Variants in CCDC80 observed in about 807,000 individuals in gnomAD.
CCDC80 encodes coiled-coil domain containing 80.
Under a neutral mutation model 78.7 loss-of-function variants are expected in CCDC80, and 49 were observed. That is an observed-to-expected ratio of 0.62 (90% CI 0.50 to 0.79). CCDC80 has a LOEUF of 0.79. Ranked by LOEUF, CCDC80 falls within the 30% of genes least tolerant of loss-of-function variation. The pLI, the probability that CCDC80 is intolerant of heterozygous loss-of-function variation, is 0.00. For synonymous variants in CCDC80, 488 were observed against 447.0 expected (o/e 1.09, Z -1.16); for missense variants, 1,205 against 1,198.6 (o/e 1.01, Z -0.08).
At chr3:112,614,940 A>G (rs1935703489) in intron 5 of CCDC80, among the ~76,000 whole-genome samples, 1 of 152,148 alleles carries the variant, frequency 6.6e-6, no homozygotes, top group Admixed American at 6.6e-5. Context: ...AGCTCATGGG[A>G]TTCTTGTAAG....
At chr3:112,617,440 A>C (rs1024811390) in intron 4 of CCDC80, among the ~76,000 whole-genome samples, 1 of 152,248 alleles carries the variant, frequency 6.6e-6, no homozygotes, top group Non-Finnish European at 1.5e-5. Context: ...TTACAAAAGC[A>C]ACCTGAGATG....
intron 2 of CCDC80, among the ~76,000 whole-genome samples, chr3:112,634,516 T>C (rs1304645356): frequency 1.3e-5 from 2 of 152,114 alleles, no homozygotes; most frequent in East Asian, 3.9e-4. Context: ...GACTGAAGAA[T>C]TAGGTTAACT....
chr3:112,608,678 C>A (rs1935561746), intron 6 of CCDC80, among the ~76,000 whole-genome samples: 1 of 152,034 alleles, frequency 6.6e-6, no homozygotes, highest in Non-Finnish European at 1.5e-5. Flanking sequence ...TCTTAACTGG[C>A]CACATTGGTG....
At position 112,639,846 on chromosome 3, in the gene CCDC80, T is replaced by G. The variant is rs766587746; in HGVS notation, c.60A>C (p.Gly20=). 9.3e-6 allele frequency: 15 copies of G among 1,613,996 alleles called. No individual in the cohort carries two copies. The Admixed American group carries it at 2.0e-4, about 22-fold the overall frequency. ...TAGTGGCATGGGGGTGGGGTTCTGATCCACACACTAGCCACATGGCCAACA... is the reference window on the plus strand; with the variant it reads ...TAGTGGCATGGGGGTGGGGTTCTGAGCCACACACTAGCCACATGGCCAACA... The part of the protein sequence containing the change: ...TMLLAMWLVC[G]SEPHPHATIR... The change falls in exon 2 of 8, where the codon GGA becomes GGC. Residue 20 remains glycine, a synonymous_variant. Transcript: ENST00000206423.
intron 3 of CCDC80, among the ~76,000 whole-genome samples, chr3:112,628,890 A>C (rs1936034184): frequency 6.6e-6 from 1 of 152,174 alleles, no homozygotes; most frequent in African/African-American, 2.4e-5. Context: ...CTTTACCCTG[A>C]ATCAGCTCTA....
At chr3:112,628,871 T>C (rs1481556866) in intron 3 of CCDC80, among the ~76,000 whole-genome samples, 1 of 152,204 alleles carries the variant, frequency 6.6e-6, no homozygotes, top group East Asian at 1.9e-4. Context: ...AGAGAATGCA[T>C]AACTGATACT....
rs185224283 is a variant in CCDC80 at position 112,615,592 on chromosome 3, G to A, written c.2321+1118C>T. On this transcript the variant is annotated intron_variant, in intron 5 of 7. Coordinates refer to ENST00000206423, the MANE Select transcript of CCDC80 (RefSeq NM_199511.3). ...ATCTTAAATAGGAGCTGGGTAAAATGAGGCTAAAATCTACTGGGCTGCATT... is the reference window on the plus strand; with the variant it reads ...ATCTTAAATAGGAGCTGGGTAAAATAAGGCTAAAATCTACTGGGCTGCATT... 1.1e-3 allele frequency among the ~76,000 whole-genome samples: 164 copies of A among 152,260 alleles called. 1 individual carries two copies. Among genetic ancestry groups the A allele is most frequent in the Admixed American group, 0.01 (158 of 15,302 alleles).
rs373807209 is a variant in CCDC80 at position 112,638,721 on chromosome 3, C to T, written c.1185G>A (p.Arg395=). The T allele has an allele frequency of 4.3e-6, 7 of 1,613,636 alleles. No homozygotes were observed. The highest frequency in any genetic ancestry group is 5.1e-6 in the Non-Finnish European group (6 of 1,179,926). The change falls in exon 2 of 8, where the codon AGG becomes AGA. Residue 395 remains arginine (R), a synonymous_variant. Coordinates refer to ENST00000206423, the MANE Select transcript of CCDC80 (RefSeq NM_199511.3). Reference sequence around the variant, plus strand: ...TGATCACCTCAGTGGTTGTAGGGGGCCTGTGGGAGGGTGAGGGGGTCCAGG... The same window carrying T: ...TGATCACCTCAGTGGTTGTAGGGGGTCTGTGGGAGGGTGAGGGGGTCCAGG... ...QRPWTPSPSH[R]PPTTTEVITA...
chr3:112,598,748 A>G lies in CCDC80; in HGVS notation c.*6669T>C, dbSNP rs905456147. ...CTGTTGAAGAACAAATATGTCCCTT[A>G]TTAGAGGGCCTCTTTAGATGTTTAG... On this transcript the variant is annotated 3_prime_UTR_variant, in exon 8 of 8. Coordinates refer to ENST00000206423, the MANE Select transcript of CCDC80 (RefSeq NM_199511.3). 3 of 152,176 alleles carry G rather than the reference A, an allele frequency of 2.0e-5. No individual in the cohort carries two copies. Among genetic ancestry groups the G allele is most frequent in the Non-Finnish European group, 2.9e-5 (2 of 68,056 alleles). 9.4% of individuals were successfully genotyped at this position (152,176 alleles called of 1,614,324 possible). A position where few individuals can be genotyped will look rare whatever the true frequency, so the allele number is the denominator to read the frequency against.
chr3:112,631,716 T>G (rs1018710091), intron 2 of CCDC80, among the ~76,000 whole-genome samples: 1 of 152,200 alleles, frequency 6.6e-6, no homozygotes, highest in Non-Finnish European at 1.5e-5. Flanking sequence ...CTCAGCTTGA[T>G]CCTGCTGTTT....
intron 2 of CCDC80, among the ~76,000 whole-genome samples, chr3:112,631,040 C>G (rs1442026441): frequency 6.6e-6 from 1 of 152,076 alleles, no homozygotes; most frequent in Admixed American, 6.6e-5. Context: ...AAAGACAAAG[C>G]AATCAAAAGA....
chr3:112,635,157 A>T (rs758320694), intron 2 of CCDC80, among the ~76,000 whole-genome samples: 1 of 152,184 alleles, frequency 6.6e-6, no homozygotes, highest in Non-Finnish European at 1.5e-5. Flanking sequence ...GTGTTTCTGT[A>T]ATTGTTAAGT....
intron 3 of CCDC80, among the ~76,000 whole-genome samples, chr3:112,621,599 T>C (rs997633593): frequency 1.6e-4 from 24 of 152,168 alleles, no homozygotes; most frequent in African/African-American, 5.8e-4. Flanking sequence ...AAACTGAATA[T>C]AGACATTATC....
Position 112,638,652 on chromosome 3 carries a change from G to C in CCDC80, c.1254C>G (p.Ser418=), listed in dbSNP as rs143049160. 125 of 1,614,004 alleles carry C rather than the reference G, an allele frequency of 7.7e-5. 1 individual carries two copies. In the African/African-American group the frequency reaches 1.4e-3, roughly 18 times the overall value. ...PSVSENLYPP[S]RKDQHRERPQ... is the part of the protein sequence containing the mutation. ...GCCTCTCCCTGTGCTGATCCTTCCG[G>C]GATGGAGGGTAAAGATTCTCTGAAA... Residue 418 remains serine, a synonymous_variant, in exon 2 of 8, where the codon TCC becomes TCG. Coordinates refer to ENST00000206423, the MANE Select transcript of CCDC80 (RefSeq NM_199511.3).
At chr3:112,620,904 A>G (rs9855853) in intron 3 of CCDC80, among the ~76,000 whole-genome samples, 118,977 of 152,144 alleles carry the variant, frequency 0.78, 48,015 homozygotes, top group Non-Finnish European at 0.89. Context: ...AATGTCCAGA[A>G]TTGGTTCTGT....
At chr3:112,636,109 G>C (rs994941690) in intron 2 of CCDC80, among the ~76,000 whole-genome samples, 1 of 152,206 alleles carries the variant, frequency 6.6e-6, no homozygotes. Context: ...TAAATGAACA[G>C]AGTTGGGTGA....
chr3:112,610,903 T>TTTTC (rs1176732423), intron 5 of CCDC80, among the ~76,000 whole-genome samples: 45 of 143,698 alleles, frequency 3.1e-4, no homozygotes, highest in African/African-American at 1.0e-3. Context: ...ATTTCTTTTC[T>TTTTC]TTTCTTTCTT....
chr3:112,631,743 G>A (rs113079680), intron 2 of CCDC80, among the ~76,000 whole-genome samples: 277 of 152,236 alleles, frequency 1.8e-3, no homozygotes, highest in African/African-American at 6.0e-3. Context: ...CTCTGTCAGA[G>A]ATGTCTGTAT....
Position 112,638,869 on chromosome 3 carries a change from G to A in CCDC80, c.1037C>T (p.Ser346Leu). 1 of 1,613,676 alleles carries A rather than the reference G, an allele frequency of 6.2e-7. No homozygotes were observed. Among genetic ancestry groups the A allele is most frequent in the Non-Finnish European group, 8.5e-7 (1 of 1,180,014 alleles). Residue 346 changes from serine (S) to leucine (L), a missense_variant, in exon 2 of 8, where the codon TCA becomes TTA. Transcript: ENST00000206423. ...ATAPALPQPPSTPRATTLPPA... is the reference protein window; with the variant it reads ...ATAPALPQPPLTPRATTLPPA... Reference sequence around the variant, plus strand: ...AGGAAGGGTGGTGGCTCTGGGGGTTGAGGGAGGTTGGGGCAAAGCTGGTGC... The same window carrying A: ...AGGAAGGGTGGTGGCTCTGGGGGTTAAGGGAGGTTGGGGCAAAGCTGGTGC...
Sources: gnomAD v4.1 joint callset for allele counts (sites outside exome capture counted in the v4.1 genomes callset) on GRCh38, gnomAD v4.1.1 for gene constraint, MANE v1.5 for transcripts, NCBI Gene and HGNC (gene_info 2026-07-23, HGNC 2026-07-21) for gene names.